Variants in TAX1BP1 observed in about 807,000 individuals in gnomAD.
The protein encoded by TAX1BP1 is tax1-binding protein 1.
TAX1BP1 carries 62 observed loss-of-function variants against 97.7 expected under a neutral mutation model. The ratio of observed to expected loss-of-function variants is 0.63; its 90% CI spans 0.52 to 0.78. The LOEUF (loss-of-function observed/expected upper bound fraction) is 0.78. Ranked by LOEUF, TAX1BP1 falls within the 30% of genes least tolerant of loss-of-function variation. The probability of loss-of-function intolerance (pLI) is 0.00; values close to 1 mark genes in which losing one functional copy is unlikely to be tolerated. For synonymous variants in TAX1BP1, 340 were observed against 304.2 expected, an observed-to-expected ratio of 1.12 and a Z score of -1.23; for missense variants, 867 against 916.1, an observed-to-expected ratio of 0.95 and a Z score of 0.69.
chr7:27,787,566 A>G lies in TAX1BP1; in HGVS notation c.1001A>G (p.Asn334Ser). Residue 334 changes from asparagine (N) to serine (S), a missense_variant, in exon 8 of 17, where the codon AAT becomes AGT. This residue lies in a region of TAX1BP1 where 822 missense variants were observed against 851.4 expected (regional missense o/e 0.97). Coordinates refer to ENST00000396319, the MANE Select transcript of TAX1BP1 (RefSeq NM_006024.7). The stretch of plus-strand genomic sequence containing the variant: ...CAGTTATGTTTGGCTGAAAAGGAAA[A>G]TCTGCAAAGAACTTTCCTGCTTACA... ...RLQLCLAEKE[N>S]LQRTFLLTTS... The G allele has an allele frequency of 6.2e-7, 1 of 1,612,460 alleles. No homozygotes were observed. Among genetic ancestry groups the G allele is most frequent in the Non-Finnish European group, 8.5e-7 (1 of 1,179,284 alleles).
chr7:27,757,513 A>C (rs1256909973), intron 2 of TAX1BP1, among the ~76,000 whole-genome samples: 1 of 152,104 alleles, frequency 6.6e-6, no homozygotes, highest in African/African-American at 2.4e-5. Context: ...GTATAAATTA[A>C]GTTTTTTGAA....
At chr7:27,742,395 C>A (rs999127603) in intron 1 of TAX1BP1, among the ~76,000 whole-genome samples, 1 of 152,240 alleles carries the variant, frequency 6.6e-6, no homozygotes, top group African/African-American at 2.4e-5. Context: ...ATGCTGCCTT[C>A]AAGCATCTGT....
intron 1 of TAX1BP1, among the ~76,000 whole-genome samples, chr7:27,743,044 A>G (rs987607296): frequency 6.6e-6 from 1 of 152,200 alleles, no homozygotes; most frequent in Non-Finnish European, 1.5e-5. Flanking sequence ...ATAAACCTTT[A>G]GAAGAAGATA....
chr7:27,758,522 A>G (rs1788309021), intron 3 of TAX1BP1, among the ~76,000 whole-genome samples: 1 of 152,148 alleles, frequency 6.6e-6, no homozygotes, highest in African/African-American at 2.4e-5. Context: ...ACTTATAGTT[A>G]TTTGAATTCT....
upstream of TAX1BP1, chr7:27,739,453 T>A (rs538479331): frequency 3.1e-4 from 47 of 152,298 alleles, no homozygotes; most frequent in African/African-American, 1.1e-3. Flanking sequence ...ATGTCCAATA[T>A]AGGAAGGCAA....
intron 3 of TAX1BP1, among the ~76,000 whole-genome samples, chr7:27,760,395 AT>A (rs34019058): frequency 1.2e-3 from 173 of 143,494 alleles, no homozygotes; most frequent in South Asian, 3.7e-3. Context: ...TTATTTTAGA[AT>A]TTTTTTTTTT....
chr7:27,789,540 C>T (rs1041289909), intron 8 of TAX1BP1, among the ~76,000 whole-genome samples: 1 of 151,736 alleles, frequency 6.6e-6, no homozygotes, highest in Non-Finnish European at 1.5e-5. Context: ...TTATCCTCTT[C>T]GTTCTTAAAA....
At chr7:27,802,997 G>A (rs1474964374) in intron 13 of TAX1BP1, 13 of 1,007,946 alleles carry the variant, frequency 1.3e-5, no homozygotes, top group Admixed American at 6.4e-5. Context: ...AGGAAAATAC[G>A]TGGATTTAGT....
chr7:27,758,879 A>C (rs569348469), intron 3 of TAX1BP1, among the ~76,000 whole-genome samples: 10 of 152,218 alleles, frequency 6.6e-5, no homozygotes, highest in Non-Finnish European at 1.5e-4. Flanking sequence ...AATTTTGGAG[A>C]TAATGGTGGT....
intron 8 of TAX1BP1, among the ~76,000 whole-genome samples, chr7:27,787,958 TC>T (rs1236967715): frequency 2.0e-5 from 3 of 152,118 alleles, no homozygotes; most frequent in Non-Finnish European, 4.4e-5. Flanking sequence ...ACAGTCATTC[TC>T]ATAGTTAGTT....
At chr7:27,776,594 G>A (rs1161964999) in intron 5 of TAX1BP1, among the ~76,000 whole-genome samples, 1 of 151,834 alleles carries the variant, frequency 6.6e-6, no homozygotes, top group Non-Finnish European at 1.5e-5. Context: ...GAATTTAAGT[G>A]GTTGATTATG....
At chr7:27,794,744 A>G (rs1415777109) in intron 11 of TAX1BP1, among the ~76,000 whole-genome samples, 3 of 152,240 alleles carry the variant, frequency 2.0e-5, no homozygotes, top group Non-Finnish European at 4.4e-5. Flanking sequence ...ACATAGGACA[A>G]AAGCCACGAA....
At chr7:27,749,203 G>T (rs541173501) in intron 2 of TAX1BP1, among the ~76,000 whole-genome samples, 1 of 152,208 alleles carries the variant, frequency 6.6e-6, no homozygotes, top group South Asian at 2.1e-4. Context: ...AGGAGTTCTA[G>T]TTCTTATATT....
At chr7:27,743,506 C>T (rs112901264) in intron 1 of TAX1BP1, among the ~76,000 whole-genome samples, 5 of 152,250 alleles carry the variant, frequency 3.3e-5, no homozygotes, top group East Asian at 3.9e-4. Flanking sequence ...GGGTACAAAG[C>T]GTTCATATTC....
chr7:27,759,716 T>C (rs1788352407), intron 3 of TAX1BP1, among the ~76,000 whole-genome samples: 1 of 152,222 alleles, frequency 6.6e-6, no homozygotes, highest in African/African-American at 2.4e-5. Flanking sequence ...TGTTCTTATG[T>C]TAGCAGAAAG....
intron 5 of TAX1BP1, among the ~76,000 whole-genome samples, chr7:27,771,312 A>T (rs1315818397): frequency 4.7e-5 from 7 of 149,242 alleles, no homozygotes; most frequent in African/African-American, 1.7e-4. Context: ...TAGATGACTC[A>T]TGAAAAAGGC....
intron 5 of TAX1BP1, among the ~76,000 whole-genome samples, chr7:27,778,607 G>T (rs908128486): frequency 2.6e-5 from 4 of 152,122 alleles, no homozygotes; most frequent in Non-Finnish European, 4.4e-5. Context: ...GCTCACGCCT[G>T]TAATCCCAGC....
chr7:27,794,786 A>G (rs921974119), intron 11 of TAX1BP1, among the ~76,000 whole-genome samples: 12 of 152,180 alleles, frequency 7.9e-5, no homozygotes, highest in African/African-American at 2.7e-4. Context: ...CATTAAATCT[A>G]TGGAATTTTG....
chr7:27,740,358 C>T, intron 1 of TAX1BP1, 89 bp downstream of exon 1: 1 of 152,544 alleles, frequency 6.6e-6, no homozygotes. Flanking sequence ...ACCCTTCAGC[C>T]CCTGTACTGT....
Sources: allele counts gnomAD v4.1 joint callset (sites outside exome capture counted in the v4.1 genomes callset), GRCh38; gene constraint gnomAD v4.1.1; regional missense constraint gnomAD v4.1.1; transcripts MANE v1.5; gene names NCBI Gene and HGNC (gene_info 2026-07-23, HGNC 2026-07-21).